The following KIF3B variants were observed in gnomAD, a reference collection of about 807,000 sequenced individuals.
KIF3B encodes the protein kinesin family member 3B.
KIF3B carries 38 observed loss-of-function variants against 74.3 expected under a neutral mutation model. The observed-to-expected ratio is 0.51, with a 90% CI of 0.39 to 0.67. The LOEUF (loss-of-function observed/expected upper bound fraction) is 0.67. Ranked by LOEUF, KIF3B falls within the 30% of genes least tolerant of loss-of-function variation. The pLI is 0.00. For missense variants in KIF3B, 649 were observed against 932.0 expected (o/e 0.70, Z 3.95); for synonymous variants, 326 against 342.5 (o/e 0.95, Z 0.53).
chr20:32,317,730 T>G (rs2047835432), intron 5 of KIF3B, among the ~76,000 whole-genome samples: 1 of 151,836 alleles, frequency 6.6e-6, no homozygotes, highest in South Asian at 2.1e-4. Context: ...CTGTAACTTG[T>G]GGGCTCAAAC....
At chr20:32,307,918 C>CAA (rs574709198) in intron 1 of KIF3B, among the ~76,000 whole-genome samples, 6 of 52,704 alleles carry the variant, frequency 1.1e-4, no homozygotes, top group Non-Finnish European at 1.9e-4. Flanking sequence ...GACTCTGTCT[C>CAA]AAAAAAAAAA....
chr20:32,285,659 CAT>C (rs1176090782), intron 1 of KIF3B, among the ~76,000 whole-genome samples: 1 of 152,110 alleles, frequency 6.6e-6, no homozygotes, highest in African/African-American at 2.4e-5. Context: ...CTTGCGCATA[CAT>C]ATATATATGT....
At chr20:32,312,057 C>T (rs2047803321) in intron 2 of KIF3B, among the ~76,000 whole-genome samples, 2 of 151,860 alleles carry the variant, frequency 1.3e-5, no homozygotes, top group African/African-American at 2.4e-5. Flanking sequence ...CCTGTCTCAG[C>T]CTCCCCAAGT....
intron 1 of KIF3B, among the ~76,000 whole-genome samples, chr20:32,297,637 G>A (rs1374450281): frequency 1.3e-5 from 2 of 151,990 alleles, no homozygotes; most frequent in African/African-American, 2.4e-5. Flanking sequence ...TATGAATTTG[G>A]TCATAGACAG....
At chr20:32,296,591 C>T (rs536817980) in intron 1 of KIF3B, among the ~76,000 whole-genome samples, 8 of 151,588 alleles carry the variant, frequency 5.3e-5, no homozygotes, top group Non-Finnish European at 1.2e-4. Flanking sequence ...GAGTGAAACT[C>T]GGTCTGAAGA....
At position 32,330,169 on chromosome 20, in the gene KIF3B, A is replaced by G; in HGVS notation, c.1997A>G (p.Asp666Gly). 1 of 1,613,942 alleles carries G rather than the reference A, an allele frequency of 6.2e-7. No homozygotes were observed. The highest frequency in any genetic ancestry group is 1.3e-5 in the African/African-American group (1 of 75,012). Reference sequence around the variant, plus strand: ...GAAAACATTGTGCTGTTAGAGCTGGACATGCCCAGCCGGACCACCAGAGAC... The same window carrying G: ...GAAAACATTGTGCTGTTAGAGCTGGGCATGCCCAGCCGGACCACCAGAGAC... ...RAENIVLLEL[D>G]MPSRTTRDYE... Residue 666 changes from aspartate to glycine, a missense_variant, in exon 8 of 9, where the codon GAC (aspartate) becomes GGC (glycine). This residue lies in a region of KIF3B where 186 missense variants were observed against 198.5 expected (regional missense o/e 0.94). Coordinates refer to ENST00000375712, the MANE Select transcript of KIF3B (RefSeq NM_004798.4).
chr20:32,316,739 C>G lies in KIF3B; in HGVS notation c.1630-17C>G. The G allele has an allele frequency of 6.2e-7, 1 of 1,613,150 alleles. No individual in the cohort carries two copies. Among genetic ancestry groups the G allele is most frequent in the South Asian group, 1.1e-5 (1 of 91,042 alleles). The stretch of plus-strand genomic sequence containing the variant: ...TTGGACAGACACCCTCCTCACCTGC[C>G]TCTCCCCTCATTCCAGCTCTTCTCC... On this transcript the variant is annotated splice_polypyrimidine_tract_variant and intron_variant, in intron 4 of 8. Transcript: ENST00000375712.
intron 7 of KIF3B, among the ~76,000 whole-genome samples, chr20:32,329,497 C>G (rs1178191087): frequency 1.3e-5 from 2 of 152,092 alleles, no homozygotes; most frequent in East Asian, 3.8e-4. Flanking sequence ...TGACCATGCC[C>G]AGCTGAGCAC....
In KIF3B at chr20:32,321,384, A is replaced by T. The variant is rs372620998; in HGVS notation, c.1748+4510A>T. ...GTGTAGGTTGCAGTGAGCTGAGATC[A>T]TGCCACTGTACTCCAGCCTGGGCAA... On this transcript the variant is annotated intron_variant, in intron 5 of 8. Transcript: ENST00000375712. Among the ~76,000 whole-genome samples the T allele has an allele frequency of 3.3e-5, 5 of 151,702 alleles. No individual in the cohort carries two copies. The East Asian group carries it at 9.7e-4, about 29-fold the overall frequency.
chr20:32,278,620 C>T (rs765891736), intron 1 of KIF3B, among the ~76,000 whole-genome samples: 1 of 152,156 alleles, frequency 6.6e-6, no homozygotes, highest in African/African-American at 2.4e-5. Context: ...GGTACTTCTA[C>T]AAGTAGTCCT....
At chr20:32,326,060 A>T (rs2122716217) in intron 5 of KIF3B, among the ~76,000 whole-genome samples, 1 of 152,064 alleles carries the variant, frequency 6.6e-6, no homozygotes, top group Admixed American at 6.5e-5. Flanking sequence ...TGTCCCTTCC[A>T]TGTTCATTTC....
chr20:32,323,905 A>G (rs1339758093), intron 5 of KIF3B, among the ~76,000 whole-genome samples: 5 of 151,982 alleles, frequency 3.3e-5, no homozygotes, highest in Non-Finnish European at 5.9e-5. Context: ...CATATTTTTC[A>G]TAGTTGACTT....
intron 1 of KIF3B, among the ~76,000 whole-genome samples, chr20:32,297,115 T>C (rs2122670640): frequency 6.6e-6 from 1 of 152,236 alleles, no homozygotes; most frequent in Non-Finnish European, 1.5e-5. Flanking sequence ...GCTCGAGTGT[T>C]GCAGTGCTTT....
chr20:32,326,025 CT>C (rs1172489016), intron 5 of KIF3B, among the ~76,000 whole-genome samples: 2 of 152,080 alleles, frequency 1.3e-5, no homozygotes, highest in Admixed American at 1.3e-4. Flanking sequence ...TCACAGTACC[CT>C]ATACCTCTGT....
chr20:32,309,868 G>A lies in KIF3B; in HGVS notation c.91G>A (p.Val31Met), dbSNP rs1242116984. ...GGAAAAGGCTGCTTCGTATGACAAA[G>A]TGGTGGATGTGGATGTTAAGCTGGG... ...GKEKAASYDK[V>M]VDVDVKLGQV... is the part of the protein sequence containing the mutation. The change falls in exon 2 of 9, where the codon GTG becomes ATG. Residue 31 changes from valine (V) to methionine (M), a missense_variant. By Grantham distance (21) the Val-to-Met change is conservative. Transcript: ENST00000375712. 5 of 1,614,200 alleles carry A rather than the reference G, an allele frequency of 3.1e-6. No homozygotes were observed. The Admixed American group carries it at 8.3e-5, about 27-fold the overall frequency.
chr20:32,279,015 G>A (rs953724711), intron 1 of KIF3B, among the ~76,000 whole-genome samples: 10 of 143,774 alleles, frequency 7.0e-5, no homozygotes, highest in South Asian at 4.5e-4. Context: ...CCTCCGCCTC[G>A]TGTGTTCAAG....
At chr20:32,278,192 G>A (rs2047625640) in intron 1 of KIF3B, among the ~76,000 whole-genome samples, 1 of 152,108 alleles carries the variant, frequency 6.6e-6, no homozygotes, top group South Asian at 2.1e-4. Context: ...AAGATAATGA[G>A]AAGTGTATGT....
In KIF3B at chr20:32,327,619, C is replaced by A. The variant is rs376192275; in HGVS notation, c.1926C>A (p.His642Gln). The change falls in exon 7 of 9, where the codon CAC (histidine) becomes CAA (glutamine). Residue 642 changes from histidine to glutamine, a missense_variant. Coordinates refer to ENST00000375712, the MANE Select transcript of KIF3B (RefSeq NM_004798.4). ...GATATAAGAGACCATTGAGCCAGCA[C>A]GCAAGAATGTCCATGATGATTCGTC... is the stretch of plus-strand genomic sequence containing the variant. ...AVGYKRPLSQ[H>Q]ARMSMMIRPE... The A allele has an allele frequency of 7.4e-6, 12 of 1,613,368 alleles. No individual in the cohort carries two copies. The highest frequency in any genetic ancestry group is 1.0e-5 in the Non-Finnish European group (12 of 1,179,720).
chr20:32,285,047 T>C (rs965254068), intron 1 of KIF3B, among the ~76,000 whole-genome samples: 1 of 151,662 alleles, frequency 6.6e-6, no homozygotes, highest in African/African-American at 2.4e-5. Flanking sequence ...CTTAGCTGTC[T>C]TGTCAAAGGC....
Sources: allele counts gnomAD v4.1 joint callset (sites outside exome capture counted in the v4.1 genomes callset), GRCh38; gene constraint gnomAD v4.1.1; regional missense constraint gnomAD v4.1.1; transcripts MANE v1.5; gene names NCBI Gene and HGNC (gene_info 2026-07-23, HGNC 2026-07-21).